INO80: variants seen among roughly 807,000 people sequenced by gnomAD.
INO80 encodes the protein INO80 complex ATPase subunit, also known as chromatin-remodeling ATPase INO80.
A neutral mutation model predicts 203.4 loss-of-function variants in INO80; 20 were observed. The ratio of observed to expected loss-of-function variants is 0.10; its 90% confidence interval spans 0.07 to 0.14. INO80 has a LOEUF of 0.14. Among genes scored for constraint, INO80 ranks in the 10% least tolerant of loss-of-function variants. INO80 has a pLI of 1.00. For missense variants in INO80, 1,419 were observed against 1,914.4 expected (o/e 0.74, Z 4.83); for synonymous variants, 726 against 685.2 (o/e 1.06, Z -0.93).
At chr15:41,058,910 T>C (rs1196561088) in intron 15 of INO80, 129 bp from the exon 16 acceptor site, 8 of 788,828 alleles carry the variant, frequency 1.0e-5, no homozygotes, top group Admixed American at 5.6e-5. Context: ...TCCCATATGG[T>C]AGGGAGATGT....
chr15:41,070,619 A>G (rs1000266997), intron 12 of INO80, 72 bp from the exon 13 acceptor site: 4 of 1,227,650 alleles, frequency 3.3e-6, no homozygotes, highest in Non-Finnish European at 4.8e-6. Context: ...TACCAAAAAG[A>G]ACGACCAAGA....
chr15:41,016,014 CATT>C, intron 27 of INO80, 71 bp downstream of exon 27: 1 of 1,189,662 alleles, frequency 8.4e-7, no homozygotes, highest in Non-Finnish European at 1.2e-6. Flanking sequence ...GCAGGACTAA[CATT>C]AGTCATGGAC....
intron 7 of INO80, among the ~76,000 whole-genome samples, chr15:41,084,376 A>G (rs751430265): frequency 1.5e-4 from 23 of 152,110 alleles, no homozygotes; most frequent in Non-Finnish European, 2.9e-4. Context: ...CCTGGCCAAC[A>G]TGGTGAAACC....
At chr15:41,103,117 A>G (rs912875960) in intron 1 of INO80, among the ~76,000 whole-genome samples, 6 of 152,214 alleles carry the variant, frequency 3.9e-5, no homozygotes, top group African/African-American at 7.2e-5. Context: ...TCCTATTTAT[A>G]TAACAATTAT....
At chr15:41,084,043 A>G (rs1439760760) in intron 7 of INO80, among the ~76,000 whole-genome samples, 1 of 152,060 alleles carries the variant, frequency 6.6e-6, no homozygotes, top group Non-Finnish European at 1.5e-5. Flanking sequence ...CAATTCATAA[A>G]ATATCCCGTT....
Position 41,026,688 on chromosome 15 carries a change from C to T in INO80, c.3048+908G>A, listed in dbSNP as rs945963099. Among the ~76,000 whole-genome samples, 15 of 152,116 alleles carry T rather than the reference C, an allele frequency of 9.9e-5. No individual in the cohort carries two copies. The East Asian group carries it at 1.9e-3, about 20-fold the overall frequency. On this transcript the variant is annotated intron_variant, in intron 25 of 35. Transcript: ENST00000648947. ...CAACCTCTTAGAGCTTCCTGGCTAA[C>T]GGAAAGTTGCCTCTTGGAGCAAAAA...
intron 14 of INO80, among the ~76,000 whole-genome samples, chr15:41,062,711 A>G (rs1443316240): frequency 6.6e-6 from 1 of 152,140 alleles, no homozygotes; most frequent in Non-Finnish European, 1.5e-5. Flanking sequence ...TGCCATTATC[A>G]CAGGAGTCCC....
intron 27 of INO80, among the ~76,000 whole-genome samples, chr15:41,005,932 A>G (rs568632907): frequency 1.4e-5 from 2 of 140,840 alleles, no homozygotes; most frequent in Non-Finnish European, 3.0e-5. Context: ...ACCTAATCTT[A>G]TTCCTGTAAA....
chr15:41,025,001 A>G (rs1225310641), intron 25 of INO80, among the ~76,000 whole-genome samples: 1 of 152,164 alleles, frequency 6.6e-6, no homozygotes, highest in Non-Finnish European at 1.5e-5. Flanking sequence ...CTGTCCTCCT[A>G]ATAATCACGG....
intron 28 of INO80, among the ~76,000 whole-genome samples, chr15:41,002,123 A>G (rs960884649): frequency 1.3e-5 from 2 of 152,166 alleles, no homozygotes; most frequent in African/African-American, 4.8e-5. Flanking sequence ...CTCTTTTTCC[A>G]TTTTGCCCAA....
chr15:41,047,772 C>G (rs759000631), intron 22 of INO80, among the ~76,000 whole-genome samples: 1 of 152,144 alleles, frequency 6.6e-6, no homozygotes, highest in Non-Finnish European at 1.5e-5. Flanking sequence ...TGCCTAAATG[C>G]CTTCTCTTTG....
intron 9 of INO80, among the ~76,000 whole-genome samples, chr15:41,077,141 T>C (rs1446308368): frequency 1.3e-5 from 2 of 151,900 alleles, no homozygotes; most frequent in Non-Finnish European, 2.9e-5. Context: ...TCTCCCGATC[T>C]CTTGATCCGC....
intron 14 of INO80, among the ~76,000 whole-genome samples, chr15:41,060,478 A>G (rs544281437): frequency 6.6e-5 from 10 of 151,784 alleles, no homozygotes; most frequent in Admixed American, 3.3e-4. Context: ...CCCAGCTACT[A>G]GGGAGGCAGA....
Position 41,049,923 on chromosome 15 carries a change from G to A in INO80, c.2442+12C>T, listed in dbSNP as rs371067005. ...AAAACAAAACTTCAAGGGAACTGACGTAAGCTCTTACCTTCCTAAACTGCA... is the reference window on the plus strand; with the variant it reads ...AAAACAAAACTTCAAGGGAACTGACATAAGCTCTTACCTTCCTAAACTGCA... On this transcript the variant is annotated intron_variant, in intron 20 of 35. Transcript: ENST00000648947. 12 of 1,602,164 alleles carry A rather than the reference G, an allele frequency of 7.5e-6. No individual in the cohort carries two copies. Among genetic ancestry groups the A allele is most frequent in the Admixed American group, 5.1e-5 (3 of 58,380 alleles).
At chr15:41,077,958 T>C (rs941215588) in intron 9 of INO80, among the ~76,000 whole-genome samples, 1 of 151,708 alleles carries the variant, frequency 6.6e-6, no homozygotes, top group Non-Finnish European at 1.5e-5. Flanking sequence ...TGGAGTGTAG[T>C]GGCACGATCT....
intron 23 of INO80, among the ~76,000 whole-genome samples, chr15:41,046,662 G>A (rs2044772830): frequency 6.6e-6 from 1 of 151,940 alleles, no homozygotes; most frequent in Admixed American, 6.6e-5. Flanking sequence ...CTGTTGTCCA[G>A]GTGGGAGCGC....
At chr15:41,041,791 T>A (rs1310602479) in intron 24 of INO80, among the ~76,000 whole-genome samples, 1 of 151,560 alleles carries the variant, frequency 6.6e-6, no homozygotes. Flanking sequence ...TAAGAGTGGA[T>A]AATATCTAAC....
intron 26 of INO80, among the ~76,000 whole-genome samples, chr15:41,019,193 G>C (rs1010146830): frequency 6.6e-6 from 1 of 152,216 alleles, no homozygotes; most frequent in African/African-American, 2.4e-5. Context: ...GTGAAACCCA[G>C]AAGATTTTGG....
intron 1 of INO80, among the ~76,000 whole-genome samples, chr15:41,097,282 G>A (rs1187573366): frequency 6.6e-6 from 1 of 151,840 alleles, no homozygotes; most frequent in Non-Finnish European, 1.5e-5. Context: ...CTGACCTCAA[G>A]CAATCCACCC....
Sources: gnomAD v4.1 joint callset for allele counts (sites outside exome capture counted in the v4.1 genomes callset) on GRCh38, gnomAD v4.1.1 for gene constraint, MANE v1.5 for transcripts, NCBI Gene and HGNC (gene_info 2026-07-23, HGNC 2026-07-21) for gene names.